The following MAPK10 variants were observed in gnomAD, a reference collection of about 807,000 sequenced individuals.
MAPK10 encodes the protein mitogen-activated protein kinase 10.
Under a neutral mutation model 59.3 loss-of-function variants are expected in MAPK10, and 25 were observed. The ratio of observed to expected loss-of-function variants is 0.42; its 90% CI spans 0.31 to 0.59. The LOEUF (loss-of-function observed/expected upper bound fraction) is 0.59. Among genes scored for constraint, MAPK10 ranks in the 20% least tolerant of loss-of-function variants. MAPK10 has a pLI of 0.15. For synonymous variants in MAPK10, 190 were observed against 200.5 expected (o/e 0.95, Z 0.44); for missense variants, 351 against 568.9 (o/e 0.62, Z 3.90).
At chr4:86,571,482 C>T (rs1761449832) in intron 1 of MAPK10, among the ~76,000 whole-genome samples, 6 of 151,536 alleles carry the variant, frequency 4.0e-5, no homozygotes, top group Admixed American at 3.9e-4. Flanking sequence ...AAAAGGAAAA[C>T]TAGAGATAAA....
chr4:86,049,016 A>G (rs913427723), intron 11 of MAPK10, among the ~76,000 whole-genome samples: 2 of 152,070 alleles, frequency 1.3e-5, no homozygotes, highest in African/African-American at 4.8e-5. Flanking sequence ...ACCTACATGG[A>G]TTCAATATAT....
intron 3 of MAPK10, among the ~76,000 whole-genome samples, chr4:86,162,465 G>A (rs1288273072): frequency 6.6e-6 from 1 of 151,988 alleles, no homozygotes; most frequent in South Asian, 2.1e-4. Flanking sequence ...GGAAATTGCT[G>A]GGCAGATGTC....
chr4:86,331,145 A>C (rs2148914071), intron 2 of MAPK10, among the ~76,000 whole-genome samples: 1 of 152,302 alleles, frequency 6.6e-6, no homozygotes, highest in South Asian at 2.1e-4. Flanking sequence ...TGAAAAGGGA[A>C]GTATGAGGAC....
chr4:86,169,032 A>C (rs550018177), intron 3 of MAPK10, among the ~76,000 whole-genome samples: 5 of 152,298 alleles, frequency 3.3e-5, no homozygotes, highest in Admixed American at 6.5e-5. Context: ...ACTAACAAAC[A>C]GAAAGGACAT....
intron 9 of MAPK10, among the ~76,000 whole-genome samples, chr4:86,085,934 C>T (rs2051713298): frequency 6.6e-6 from 1 of 152,050 alleles, no homozygotes; most frequent in Non-Finnish European, 1.5e-5. Context: ...ACAAACACTG[C>T]ATGTTCTCAT....
At chr4:86,448,974 G>A (rs1461168677) in intron 1 of MAPK10, among the ~76,000 whole-genome samples, 1 of 152,068 alleles carries the variant, frequency 6.6e-6, no homozygotes, top group Non-Finnish European at 1.5e-5. Context: ...TCACAATAGG[G>A]TTCCTGCTTC....
intron 2 of MAPK10, among the ~76,000 whole-genome samples, chr4:86,235,243 A>T (rs2092094991): frequency 6.6e-6 from 1 of 152,202 alleles, no homozygotes; most frequent in Admixed American, 6.5e-5. Context: ...ACACATTCCT[A>T]TCCTCATTCT....
intron 4 of MAPK10, among the ~76,000 whole-genome samples, chr4:86,117,296 C>T (rs2058435321): frequency 6.6e-6 from 1 of 152,174 alleles, no homozygotes; most frequent in African/African-American, 2.4e-5. Flanking sequence ...TGTAGCCATA[C>T]AGTTCTCTGG....
chr4:86,260,577 A>C (rs2148738801), intron 2 of MAPK10, among the ~76,000 whole-genome samples: 1 of 152,264 alleles, frequency 6.6e-6, no homozygotes, highest in East Asian at 1.9e-4. Flanking sequence ...GCACCCTGGC[A>C]AATAATTTCC....
At chr4:86,502,537 T>G (rs992214369) in intron 1 of MAPK10, among the ~76,000 whole-genome samples, 2 of 152,052 alleles carry the variant, frequency 1.3e-5, no homozygotes, top group African/African-American at 2.4e-5. Flanking sequence ...CTCCTATACC[T>G]CAGCATGCTC....
Position 86,267,908 on chromosome 4 carries a change from CT to C in MAPK10, c.-6-73502del, listed in dbSNP as rs576919475. On this transcript the variant is annotated intron_variant, in intron 2 of 13. Coordinates refer to ENST00000641462, the MANE Select transcript of MAPK10 (RefSeq NM_138982.4). The stretch of plus-strand genomic sequence containing the variant: ...CATCTAACAAAGTAAAGCATATCTA[CT>C]TATTCATTACTTGGCTCGCTCTATT... Among the ~76,000 whole-genome samples, 109 of 152,282 alleles carry C rather than the reference CT, an allele frequency of 7.2e-4. 1 individual carries two copies. The highest frequency in any genetic ancestry group is 1.2e-3 in the Non-Finnish European group (81 of 68,030).
intron 1 of MAPK10, among the ~76,000 whole-genome samples, chr4:86,527,491 A>T (rs1457884513): frequency 6.6e-6 from 1 of 152,120 alleles, no homozygotes; most frequent in Admixed American, 6.6e-5. Context: ...CATGCCAATT[A>T]TTAAAAAGTA....
intron 4 of MAPK10, among the ~76,000 whole-genome samples, chr4:86,115,792 C>T (rs912376610): frequency 5.3e-5 from 8 of 152,166 alleles, no homozygotes; most frequent in African/African-American, 1.9e-4. Context: ...ATCTTGGCTC[C>T]TCTCCCTCCA....
chr4:86,195,772 A>G (rs1400280884), intron 2 of MAPK10, among the ~76,000 whole-genome samples: 2 of 151,774 alleles, frequency 1.3e-5, no homozygotes, highest in African/African-American at 4.8e-5. Flanking sequence ...CCCTGTGTCC[A>G]TGTGTTCTCA....
rs1433851669 is a variant in MAPK10 at position 86,067,761 on chromosome 4, T to C, written c.985+12A>G. The C allele has an allele frequency of 1.9e-6, 3 of 1,602,380 alleles. No homozygotes were observed. In the South Asian group the frequency reaches 3.4e-5, roughly 18 times the overall value. ...CTCATAGTTGTCCTCAAGTCATTCC[T>C]GAAGGGCATACCTTTGAGTTTATTG... is the stretch of plus-strand genomic sequence containing the variant. On this transcript the variant is annotated intron_variant, in intron 10 of 13. Transcript: ENST00000641462.
At chr4:86,345,920 A>C (rs573128016) in intron 2 of MAPK10, among the ~76,000 whole-genome samples, 122 of 152,354 alleles carry the variant, frequency 8.0e-4, no homozygotes, top group South Asian at 7.2e-3. Context: ...TCAGGTTAGC[A>C]AGCCAATCAA....
At chr4:86,579,113 T>C (rs942071746) in intron 1 of MAPK10, among the ~76,000 whole-genome samples, 3 of 152,204 alleles carry the variant, frequency 2.0e-5, no homozygotes, top group Non-Finnish European at 4.4e-5. Flanking sequence ...TATCTTTAAT[T>C]CAACAGGATA....
At chr4:86,064,514 CCT>C in intron 10 of MAPK10, 124 bp from the exon 11 acceptor site, 2 of 872,012 alleles carry the variant, frequency 2.3e-6, no homozygotes, top group Non-Finnish European at 3.6e-6. Context: ...CAGGTAAATC[CCT>C]TGATGTGATG....
At chr4:86,192,059 G>T (rs1490238910) in intron 3 of MAPK10, 2 of 152,132 alleles carry the variant, frequency 1.3e-5, no homozygotes, top group African/African-American at 2.4e-5. Context: ...TGAAATTCTG[G>T]GTTGAAAATT....
Sources: gnomAD v4.1 joint callset for allele counts (sites outside exome capture counted in the v4.1 genomes callset) on GRCh38, gnomAD v4.1.1 for gene constraint, MANE v1.5 for transcripts, NCBI Gene and HGNC (gene_info 2026-07-23, HGNC 2026-07-21) for gene names.